Variants in BMPR1B observed in about 807,000 individuals in gnomAD.
BMPR1B encodes the protein bone morphogenetic protein receptor type 1B.
In BMPR1B, 12 loss-of-function variants were observed where a neutral mutation model predicts 59.1. That is an observed-to-expected ratio of 0.20 (90% CI 0.13 to 0.33). The LOEUF is 0.33. BMPR1B is among the 10% of genes least tolerant of loss of function. The probability of loss-of-function intolerance (pLI) is 1.00; values close to 1 mark genes in which losing one functional copy is unlikely to be tolerated. For missense variants in BMPR1B, 550 were observed against 610.9 expected (o/e 0.90, Z 1.05); for synonymous variants, 237 against 207.3 (o/e 1.14, Z -1.23).
At chr4:94,928,528 G>C (rs949080406) in intron 2 of BMPR1B, among the ~76,000 whole-genome samples, 16 of 150,966 alleles carry the variant, frequency 1.1e-4, no homozygotes, top group African/African-American at 3.9e-4. Flanking sequence ...GACAGCATTG[G>C]GCGGGCCCTC....
intron 2 of BMPR1B, among the ~76,000 whole-genome samples, chr4:94,954,820 C>T (rs758867644): frequency 6.6e-6 from 1 of 152,152 alleles, no homozygotes; most frequent in African/African-American, 2.4e-5. Flanking sequence ...CTGATGCATA[C>T]TGAACACCCA....
chr4:95,021,185 A>C lies in BMPR1B; in HGVS notation c.-18+25051A>C, dbSNP rs1723956029. The stretch of plus-strand genomic sequence containing the variant: ...CCCTAGGTCTAAAATATAATGGGAA[A>C]TAGCAGTTACAAATTCTTTGTAGCT... On this transcript the variant is annotated intron_variant, in intron 3 of 12. Coordinates refer to ENST00000515059, the MANE Select transcript of BMPR1B (RefSeq NM_001203.3). 2.6e-5 allele frequency among the ~76,000 whole-genome samples: 4 copies of C among 152,248 alleles called. No homozygotes were observed. In the South Asian group the frequency reaches 8.3e-4, roughly 32 times the overall value.
At chr4:94,947,014 T>C (rs1405968493) in intron 2 of BMPR1B, among the ~76,000 whole-genome samples, 1 of 152,126 alleles carries the variant, frequency 6.6e-6, no homozygotes, top group Non-Finnish European at 1.5e-5. Context: ...ATCACTCTGC[T>C]GCACTCCAAC....
intron 4 of BMPR1B, among the ~76,000 whole-genome samples, chr4:95,105,120 T>C (rs1277619746): frequency 1.3e-5 from 2 of 152,150 alleles, no homozygotes; most frequent in Non-Finnish European, 2.9e-5. Context: ...TTATAGATAC[T>C]TTATAACATT....
intron 2 of BMPR1B, among the ~76,000 whole-genome samples, chr4:94,894,408 C>G (rs995298827): frequency 4.0e-5 from 6 of 151,206 alleles, no homozygotes; most frequent in Non-Finnish European, 7.4e-5. Context: ...CCTTTTTTCC[C>G]TCAACAAACA....
intron 1 of BMPR1B, among the ~76,000 whole-genome samples, chr4:94,778,531 A>T (rs1256476569): frequency 6.6e-6 from 1 of 152,130 alleles, no homozygotes; most frequent in Non-Finnish European, 1.5e-5. Context: ...GAATGATGTT[A>T]TGGGCTTCTT....
At position 95,051,860 on chromosome 4, in the gene BMPR1B, A is replaced by C. The variant is rs1726529307; in HGVS notation, c.-17-52548A>C. The stretch of plus-strand genomic sequence containing the variant: ...GCTTTTATCGCAGAAGGGAAAGTTC[A>C]GGCCAGAAGTTCAATGTCTATAAAG... On this transcript the variant is annotated intron_variant, in intron 3 of 12. Transcript: ENST00000515059. 5 of 1,326,472 alleles carry C rather than the reference A, an allele frequency of 3.8e-6. No homozygotes were observed. In the South Asian group the frequency reaches 6.6e-5, roughly 17 times the overall value. The allele number at this position is 1,326,472 out of a possible 1,614,324, so 82.2% of individuals were successfully genotyped here. A position where few individuals can be genotyped will look rare whatever the true frequency, so the allele number is the denominator to read the frequency against.
intron 5 of BMPR1B, 24 bp downstream of exon 5, chr4:95,114,846 T>C (rs1371671492): frequency 6.4e-7 from 1 of 1,553,046 alleles, no homozygotes; most frequent in Admixed American, 1.7e-5. Context: ...CTTGATTCTG[T>C]AACCTTTCAT....
intron 2 of BMPR1B, among the ~76,000 whole-genome samples, chr4:94,936,370 C>T (rs1418925731): frequency 6.6e-6 from 1 of 152,088 alleles, no homozygotes; most frequent in African/African-American, 2.4e-5. Context: ...GGTGTAGTGG[C>T]CAAATAGGAT....
intron 3 of BMPR1B, among the ~76,000 whole-genome samples, chr4:95,097,578 G>A (rs1468028881): frequency 1.3e-5 from 2 of 151,562 alleles, no homozygotes; most frequent in African/African-American, 4.9e-5. Flanking sequence ...TCGATCTGTC[G>A]CCAGGCTGGA....
At chr4:94,955,948 G>A (rs10516956) in intron 2 of BMPR1B, among the ~76,000 whole-genome samples, 82,556 of 151,840 alleles carry the variant, frequency 0.54, 23,188 homozygotes, top group African/African-American at 0.66. Flanking sequence ...TTTAATTCTT[G>A]CAATAGGTCT....
At chr4:95,125,496 A>G (rs1732842926) in intron 8 of BMPR1B, among the ~76,000 whole-genome samples, 1 of 152,174 alleles carries the variant, frequency 6.6e-6, no homozygotes, top group South Asian at 2.1e-4. Context: ...CTACAAAGAA[A>G]GAGGGTTGCT....
intron 1 of BMPR1B, among the ~76,000 whole-genome samples, chr4:94,802,276 C>T (rs1037208550): frequency 1.3e-5 from 2 of 152,192 alleles, no homozygotes; most frequent in African/African-American, 4.8e-5. Context: ...GACAGCAGCA[C>T]TGTTCCCATT....
chr4:94,823,352 G>C (rs1379825113), intron 1 of BMPR1B, among the ~76,000 whole-genome samples: 3 of 152,152 alleles, frequency 2.0e-5, no homozygotes, highest in African/African-American at 7.2e-5. Flanking sequence ...AAGTTAGCTT[G>C]GTTCACTACC....
rs778638766 is a variant in BMPR1B at position 95,115,677 on chromosome 4, G to A, written c.247-8G>A. The A allele has an allele frequency of 2.1e-5, 34 of 1,609,902 alleles. No individual in the cohort carries two copies. In the East Asian group the frequency reaches 5.1e-4, roughly 24 times the overall value. ...AACTCACTAATAGCTGTTTGGGTTC[G>A]ATTATAGGACACTCCCATTCCTCAT... On this transcript the variant is annotated splice_region_variant and splice_polypyrimidine_tract_variant and intron_variant, in intron 5 of 12. Transcript: ENST00000515059.
chr4:94,890,812 T>G (rs1369975290), intron 2 of BMPR1B, among the ~76,000 whole-genome samples: 1 of 151,974 alleles, frequency 6.6e-6, no homozygotes, highest in Non-Finnish European at 1.5e-5. Flanking sequence ...CCCATCCTCA[T>G]GATCTCATGT....
intron 8 of BMPR1B, among the ~76,000 whole-genome samples, chr4:95,127,440 T>C (rs1214861832): frequency 6.6e-6 from 1 of 152,148 alleles, no homozygotes; most frequent in Non-Finnish European, 1.5e-5. Context: ...TCAAAACTTA[T>C]AATTAAATTA....
In BMPR1B at chr4:94,877,781, T is replaced by TA. The variant is rs535337856; in HGVS notation, c.-113+1882dup. Among the ~76,000 whole-genome samples, 29 of 152,130 alleles carry TA rather than the reference T, an allele frequency of 1.9e-4. No individual in the cohort carries two copies. In the South Asian group the frequency reaches 4.3e-3, roughly 23 times the overall value. ...ATATCAACTATCAAATACATTGAGA[T>TA]ACATTTTATATATGTATAGAAGTGT... On this transcript the variant is annotated intron_variant, in intron 2 of 12. Transcript: ENST00000515059.
chr4:94,776,312 C>G lies in BMPR1B; in HGVS notation c.-183+18244C>G, dbSNP rs551234428. ...AGTATTTGATCAAAGAACAGTAAAA[C>G]AAGACTGTTTTCTGTGAAAAGCAGA... On this transcript the variant is annotated intron_variant, in intron 1 of 12. Coordinates refer to ENST00000515059, the MANE Select transcript of BMPR1B (RefSeq NM_001203.3). Among the ~76,000 whole-genome samples the G allele has an allele frequency of 3.3e-5, 5 of 152,212 alleles. No homozygotes were observed. The South Asian group carries it at 1.0e-3, about 32-fold the overall frequency.
Sources: allele counts gnomAD v4.1 joint callset (sites outside exome capture counted in the v4.1 genomes callset), GRCh38; gene constraint gnomAD v4.1.1; transcripts MANE v1.5; gene names NCBI Gene and HGNC (gene_info 2026-07-23, HGNC 2026-07-21).